Variants in HABP2 observed in about 807,000 individuals in gnomAD.
HABP2 encodes factor VII-activating protease.
HABP2 carries 65 observed loss-of-function variants against 66.5 expected under a neutral mutation model. The ratio of observed to expected loss-of-function variants is 0.98; its 90% CI spans 0.80 to 1.20. The LOEUF is 1.20. HABP2 is among the 50% of genes most tolerant of loss of function. HABP2 has a pLI of 0.00. For missense variants in HABP2, 786 were observed against 691.0 expected (o/e 1.14, Z -1.54); for synonymous variants, 263 against 253.9 (o/e 1.04, Z -0.34).
chr10:113,575,911 A>C lies in HABP2; in HGVS notation c.238A>C (p.Asn80His), dbSNP rs1388865442. ...GTGTGTCTTAGATCCATGCCAGCCC[A>C]ACCCCTGTGAACACGGTGGGGACTG... Reference protein sequence around the residue: ...TEDQADPCQPNPCEHGGDCLV... With the variant: ...TEDQADPCQPHPCEHGGDCLV... The change falls in exon 4 of 13, where the codon AAC becomes CAC. Residue 80 changes from asparagine to histidine, a missense_variant. By Grantham distance (68) the Asn-to-His change is moderately conservative (BLOSUM62 1). Transcript: ENST00000351270. 1 of 1,606,112 alleles carries C rather than the reference A, an allele frequency of 6.2e-7. No homozygotes were observed. Among genetic ancestry groups the C allele is most frequent in the Non-Finnish European group, 8.5e-7 (1 of 1,172,798 alleles).
chr10:113,585,799 G>A lies in HABP2; in HGVS notation c.1379G>A (p.Gly460Glu), dbSNP rs113091571. 14 of 1,613,582 alleles carry A rather than the reference G, an allele frequency of 8.7e-6. No individual in the cohort carries two copies. The highest frequency in any genetic ancestry group is 9.3e-6 in the Non-Finnish European group (11 of 1,179,488). ...CTCTGCACCTTCCCCACAGGAAAAG[G>A]GTCCCGCCAGCTCCTGGATGCCAAA... ...SGWGVTETGK[G>E]SRQLLDAKVK... The change falls in exon 12 of 13, where the codon GGG becomes GAG. Residue 460 changes from glycine to glutamate, a missense_variant. Gly to Glu is a moderately conservative substitution (Grantham distance 98). Transcript: ENST00000351270.
In HABP2 at chr10:113,589,593, T is replaced by G; in HGVS notation, c.*1224T>G. ...CTGACCTTTGGCCAAAAATAAACTTTGAAAAGAAACAATGAGTTTGTCTTT... is the reference window on the plus strand; with the variant it reads ...CTGACCTTTGGCCAAAAATAAACTTGGAAAAGAAACAATGAGTTTGTCTTT... On this transcript the variant is annotated 3_prime_UTR_variant, in exon 13 of 13. Transcript: ENST00000351270. 8 of 1,545,036 alleles carry G rather than the reference T, an allele frequency of 5.2e-6. No individual in the cohort carries two copies. Among genetic ancestry groups the G allele is most frequent in the Non-Finnish European group, 7.0e-6 (8 of 1,146,214 alleles).
At chr10:113,558,029 TGGCACTGCCCAAAGA>T (rs907238953) in intron 1 of HABP2, among the ~76,000 whole-genome samples, 21 of 152,346 alleles carry the variant, frequency 1.4e-4, no homozygotes, top group Middle Eastern at 3.4e-3. Context: ...TCATCATGCC[TGGCACTGCCCAAAGA>T]CAAACAAGAC....
rs372444529 is a variant in HABP2, at chr10:113,589,078, C to A, written c.*709C>A. 1.2e-6 allele frequency: 2 copies of A among 1,613,516 alleles called. No individual in the cohort carries two copies. Among genetic ancestry groups the A allele is most frequent in the Non-Finnish European group, 1.7e-6 (2 of 1,179,682 alleles). The stretch of plus-strand genomic sequence containing the variant: ...TCCAGCCTCCACTGCTTCTGCCCCC[C>A]GCTGCTGAAATCAAACATACCCCAA... On this transcript the variant is annotated 3_prime_UTR_variant, in exon 13 of 13. Transcript: ENST00000351270.
intron 12 of HABP2, among the ~76,000 whole-genome samples, chr10:113,587,338 C>CAAA (rs59296183): frequency 0.015 from 2,197 of 150,902 alleles, 19 homozygotes; most frequent in African/African-American, 0.029. Context: ...AACAAACAAA[C>CAAA]AAAAAAAAAC....
chr10:113,589,599 G>GAAACA, exon 13 of HABP2: 1 of 1,552,606 alleles, frequency 6.4e-7, no homozygotes, highest in Non-Finnish European at 8.7e-7. Context: ...ACTTTGAAAA[G>GAAACA]AAACAATGAG....
chr10:113,583,363 G>C lies in HABP2; in HGVS notation c.1237+5G>C, dbSNP rs1376941744. On this transcript the variant is annotated splice_donor_5th_base_variant and intron_variant, in intron 10 of 12. Transcript: ENST00000351270. ...AGATTCCCCACAATGATATTGGCAA[G>C]TTCCTCTTTCATGGCTTTCCTGAGG... 1.2e-6 allele frequency: 2 copies of C among 1,612,430 alleles called. No homozygotes were observed. The highest frequency in any genetic ancestry group is 1.1e-5 in the South Asian group (1 of 91,006).
chr10:113,567,425 C>T lies in HABP2; in HGVS notation c.70-64C>T, dbSNP rs1029122672. 7.0e-6 allele frequency: 9 copies of T among 1,276,796 alleles called. No homozygotes were observed. The East Asian group carries it at 1.6e-4, about 23-fold the overall frequency. 79.1% of individuals were successfully genotyped at this position (1,276,796 alleles called of 1,614,324 possible). A position where few individuals can be genotyped will look rare whatever the true frequency, so the allele number is the denominator to read the frequency against. ...CCATACGATCTCCTCTGGCTGACAG[C>T]TAAGGAGCACGCCCGGCAGAGCTCC... On this transcript the variant is annotated intron_variant, in intron 1 of 12. Transcript: ENST00000351270.
intron 7 of HABP2, among the ~76,000 whole-genome samples, chr10:113,579,617 T>C (rs977173959): frequency 1.3e-5 from 2 of 152,270 alleles, no homozygotes; most frequent in Admixed American, 1.3e-4. Flanking sequence ...AGTTTCCTTC[T>C]TCCTTTTCTG....
At chr10:113,565,464 C>T (rs1483706328) in intron 1 of HABP2, among the ~76,000 whole-genome samples, 4 of 152,198 alleles carry the variant, frequency 2.6e-5, no homozygotes, top group Non-Finnish European at 5.9e-5. Context: ...ACAGAGATCA[C>T]ATGGCAAGAG....
In HABP2 at chr10:113,589,044, C is replaced by CTGA; in HGVS notation, c.*680_*682dup. The CTGA allele has an allele frequency of 6.2e-7, 1 of 1,614,102 alleles. No homozygotes were observed. The highest frequency in any genetic ancestry group is 8.5e-7 in the Non-Finnish European group (1 of 1,180,020). ...TGGCATCTGGGTTCACCTCCCCACT[C>CTGA]TGATGATCTCCAGCCTCCACTGCTT... On this transcript the variant is annotated 3_prime_UTR_variant, in exon 13 of 13. Transcript: ENST00000351270.
At chr10:113,586,078 T>TTA in intron 12 of HABP2, 140 bp downstream of exon 12, 1 of 716,154 alleles carries the variant, frequency 1.4e-6, no homozygotes, top group Non-Finnish European at 2.4e-6. Flanking sequence ...GAGCTGTGTC[T>TTA]GCCCCCTGGC....
chr10:113,579,320 G>A (rs1271976079), intron 7 of HABP2, among the ~76,000 whole-genome samples: 1 of 152,132 alleles, frequency 6.6e-6, no homozygotes, highest in Non-Finnish European at 1.5e-5. Context: ...GGTTGGTGGT[G>A]ATGATGGCAG....
intron 2 of HABP2, among the ~76,000 whole-genome samples, chr10:113,573,394 T>A (rs115935822): frequency 6.6e-6 from 1 of 152,300 alleles, no homozygotes; most frequent in African/African-American, 2.4e-5. Context: ...AAATTCCTAA[T>A]GAGCAGGCTG....
intron 2 of HABP2, among the ~76,000 whole-genome samples, chr10:113,569,433 A>G (rs985328542): frequency 9.9e-5 from 15 of 152,200 alleles, no homozygotes; most frequent in African/African-American, 3.4e-4. Context: ...CTTTGATGGT[A>G]TTTGTCAGCT....
Position 113,567,362 on chromosome 10 carries a change from A to C in HABP2, c.70-127A>C. 4.1e-6 allele frequency: 3 copies of C among 736,170 alleles called. No individual in the cohort carries two copies. In the South Asian group the frequency reaches 4.6e-5, roughly 11 times the overall value. The allele number at this position is 736,170 out of a possible 1,614,324, so 45.6% of individuals were successfully genotyped here. On this transcript the variant is annotated intron_variant, in intron 1 of 12. Transcript: ENST00000351270. ...TGCCCCTCCCTTCAACCTCTAGCCC[A>C]GCCACAACCATCAGAAAGCACGCAG... is the stretch of plus-strand genomic sequence containing the variant.
intron 3 of HABP2, 66 bp from the exon 4 acceptor site, chr10:113,575,831 A>G (rs778029349): frequency 2.3e-6 from 2 of 864,590 alleles, no homozygotes; most frequent in Non-Finnish European, 3.8e-6. Context: ...TTGATGAAAA[A>G]TTTGGAGGGG....
chr10:113,567,446 G>T, intron 1 of HABP2, 43 bp from the exon 2 acceptor site: 2 of 1,533,680 alleles, frequency 1.3e-6, no homozygotes, highest in Non-Finnish European at 1.8e-6. Flanking sequence ...GCCCGGCAGA[G>T]CTCCATCTCA....
intron 7 of HABP2, among the ~76,000 whole-genome samples, chr10:113,579,583 C>T (rs1225066241): frequency 6.6e-6 from 1 of 152,198 alleles, no homozygotes; most frequent in Non-Finnish European, 1.5e-5. Flanking sequence ...AGGCTAATGC[C>T]ACCACCCTCC....
Sources: allele counts gnomAD v4.1 joint callset (sites outside exome capture counted in the v4.1 genomes callset), GRCh38; gene constraint gnomAD v4.1.1; transcripts MANE v1.5; gene names NCBI Gene and HGNC (gene_info 2026-07-23, HGNC 2026-07-21).